PTPRD: variants seen among roughly 807,000 people sequenced by gnomAD.
PTPRD encodes the protein protein tyrosine phosphatase receptor type D.
PTPRD carries 34 observed loss-of-function variants against 214.5 expected under a neutral mutation model. The ratio of observed to expected loss-of-function variants is 0.16; its 90% CI spans 0.12 to 0.21. The LOEUF is 0.21. Among genes scored for constraint, PTPRD ranks in the 10% least tolerant of loss-of-function variants. The pLI is 1.00. For synonymous variants in PTPRD, 1,128 were observed against 845.7 expected, an observed-to-expected ratio of 1.33 and a Z score of -5.79; for missense variants, 2,545 against 2,398.7, an observed-to-expected ratio of 1.06 and a Z score of -1.27.
chr9:10,170,546 G>A (rs1243053566), intron 3 of PTPRD, among the ~76,000 whole-genome samples: 1 of 152,034 alleles, frequency 6.6e-6, no homozygotes, highest in Admixed American at 6.6e-5. Context: ...AATTAACCAG[G>A]CGTGGTGGCA....
At chr9:9,220,137 G>A (rs887503189) in intron 9 of PTPRD, among the ~76,000 whole-genome samples, 2 of 151,898 alleles carry the variant, frequency 1.3e-5, no homozygotes, top group Non-Finnish European at 2.9e-5. Context: ...TTAAATATTT[G>A]GATGAAAATA....
At chr9:9,583,364 A>G (rs1331149273) in intron 7 of PTPRD, among the ~76,000 whole-genome samples, 1 of 152,086 alleles carries the variant, frequency 6.6e-6, no homozygotes. Flanking sequence ...TATTCAAAAC[A>G]CTAAAATCTT....
chr9:10,477,699 T>A (rs1033969190), intron 2 of PTPRD, among the ~76,000 whole-genome samples: 3 of 152,250 alleles, frequency 2.0e-5, no homozygotes, highest in Admixed American at 2.0e-4. Flanking sequence ...ATTGCATCAC[T>A]ATTCACAATA....
intron 4 of PTPRD, among the ~76,000 whole-genome samples, chr9:9,971,616 T>A (rs977681407): frequency 1.3e-5 from 2 of 152,188 alleles, no homozygotes; most frequent in Non-Finnish European, 2.9e-5. Context: ...TTCGAGAATT[T>A]ACTTTTTAGT....
chr9:10,520,815 C>T (rs1055323710), intron 2 of PTPRD, among the ~76,000 whole-genome samples: 30 of 151,958 alleles, frequency 2.0e-4, no homozygotes, highest in African/African-American at 7.2e-4. Context: ...GCCTAGATGA[C>T]AGCACATCTG....
intron 10 of PTPRD, among the ~76,000 whole-genome samples, chr9:9,112,520 G>C (rs963347797): frequency 4.6e-5 from 7 of 152,090 alleles, no homozygotes; most frequent in African/African-American, 1.4e-4. Flanking sequence ...CTCTTTCTTA[G>C]AAGTCAATGC....
At chr9:10,334,066 T>C (rs962117506) in intron 3 of PTPRD, among the ~76,000 whole-genome samples, 3 of 151,756 alleles carry the variant, frequency 2.0e-5, no homozygotes, top group African/African-American at 7.2e-5. Flanking sequence ...ATATGGTTAG[T>C]ATATAAAATA....
Position 8,314,434 on chromosome 9 carries a change from C to T in PTPRD, c.*3440G>A, listed in dbSNP as rs1820858536. The T allele has an allele frequency of 4.3e-6, 1 of 230,736 alleles. No homozygotes were observed. Among genetic ancestry groups the T allele is most frequent in the Middle Eastern group, 1.3e-3 (1 of 774 alleles). The allele number at this position is 230,736 out of a possible 1,614,324, so 14.3% of individuals were successfully genotyped here. A position where few individuals can be genotyped will look rare whatever the true frequency, so the allele number is the denominator to read the frequency against. ...AGAGGTAATTGTATTTTTTAACAAG[C>T]CATTTTACAAGTTATTTGTTTTAAT... On this transcript the variant is annotated 3_prime_UTR_variant, in exon 46 of 46. Transcript: ENST00000381196.
At chr9:10,566,001 G>T (rs755714618) in intron 2 of PTPRD, among the ~76,000 whole-genome samples, 1 of 151,772 alleles carries the variant, frequency 6.6e-6, no homozygotes, top group Non-Finnish European at 1.5e-5. Flanking sequence ...ATGGTATAAG[G>T]TTGTCTATTT....
intron 9 of PTPRD, among the ~76,000 whole-genome samples, chr9:9,290,908 A>G (rs571108227): frequency 6.6e-6 from 1 of 151,546 alleles, no homozygotes; most frequent in East Asian, 2.0e-4. Context: ...TATCAGTGAG[A>G]TTATATCATT....
intron 5 of PTPRD, among the ~76,000 whole-genome samples, chr9:9,815,946 T>G (rs10978004): frequency 0.1 from 15,189 of 152,112 alleles, 2,293 homozygotes; most frequent in East Asian, 0.74. Flanking sequence ...CTATGTGAGG[T>G]GAACTTTTTT....
At chr9:8,361,094 T>A (rs990702353) in intron 39 of PTPRD, among the ~76,000 whole-genome samples, 4 of 152,206 alleles carry the variant, frequency 2.6e-5, no homozygotes, top group African/African-American at 9.6e-5. Flanking sequence ...TGTATGCCAA[T>A]TATGAATGCG....
At chr9:8,451,980 C>A (rs2095975672) in intron 33 of PTPRD, 1 of 397,126 alleles carries the variant, frequency 2.5e-6, no homozygotes, top group Non-Finnish European at 4.9e-6. Context: ...GAAAAGAAAA[C>A]TCTCTAAAGT....
intron 2 of PTPRD, among the ~76,000 whole-genome samples, chr9:10,463,729 A>T (rs921265709): frequency 1.3e-5 from 2 of 152,124 alleles, no homozygotes; most frequent in Admixed American, 6.5e-5. Context: ...ACACTAACAG[A>T]GGAATAACTT....
chr9:9,281,484 T>C (rs896641218), intron 9 of PTPRD, among the ~76,000 whole-genome samples: 1 of 151,328 alleles, frequency 6.6e-6, no homozygotes, highest in African/African-American at 2.4e-5. Context: ...AGCTAATAGA[T>C]ATATGAAAAA....
At chr9:9,075,160 T>C (rs965944354) in intron 10 of PTPRD, among the ~76,000 whole-genome samples, 1 of 152,058 alleles carries the variant, frequency 6.6e-6, no homozygotes, top group Non-Finnish European at 1.5e-5. Flanking sequence ...AATTTTTAAT[T>C]TTTGTGCATA....
intron 2 of PTPRD, among the ~76,000 whole-genome samples, chr9:10,468,421 G>C (rs151185558): frequency 1.3e-5 from 2 of 152,072 alleles, no homozygotes; most frequent in Non-Finnish European, 2.9e-5. Flanking sequence ...AACACCATAT[G>C]TTCTCACTCA....
At chr9:9,123,374 A>G (rs2099819463) in intron 10 of PTPRD, among the ~76,000 whole-genome samples, 1 of 152,160 alleles carries the variant, frequency 6.6e-6, no homozygotes, top group Non-Finnish European at 1.5e-5. Flanking sequence ...CATGATATAA[A>G]AAGAGTATTT....
chr9:9,509,495 AATTG>A (rs1313790376), intron 8 of PTPRD, among the ~76,000 whole-genome samples: 1 of 151,142 alleles, frequency 6.6e-6, no homozygotes, highest in Non-Finnish European at 1.5e-5. Flanking sequence ...GTGACTGCCT[AATTG>A]ATCACCTGCT....
Sources: allele counts gnomAD v4.1 joint callset (sites outside exome capture counted in the v4.1 genomes callset), GRCh38; gene constraint gnomAD v4.1.1; transcripts MANE v1.5; gene names NCBI Gene and HGNC (gene_info 2026-07-23, HGNC 2026-07-21).